SLC24A5: variants seen among roughly 807,000 people sequenced by gnomAD.
The protein encoded by SLC24A5 is solute carrier family 24 member 5, also known as sodium/potassium/calcium exchanger 5.
A neutral mutation model predicts 51.6 loss-of-function variants in SLC24A5; 46 were observed. The ratio of observed to expected loss-of-function variants is 0.89; its 90% confidence interval spans 0.70 to 1.14. SLC24A5 has a LOEUF of 1.14. Among genes scored for constraint, SLC24A5 ranks in the 50% most tolerant of loss-of-function variants. The pLI is 0.00. For missense variants in SLC24A5, 581 were observed against 604.1 expected, an observed-to-expected ratio of 0.96 and a Z score of 0.40; for synonymous variants, 230 against 214.9, an observed-to-expected ratio of 1.07 and a Z score of -0.62.
At chr15:48,131,716 C>CA (rs11429466) in intron 2 of SLC24A5, among the ~76,000 whole-genome samples, 11,573 of 152,106 alleles carry the variant, frequency 0.076, 1,191 homozygotes, top group African/African-American at 0.22. Context: ...TTCCTTTATA[C>CA]ACACAAAATG....
In SLC24A5 at chr15:48,121,093, G is replaced by A. The variant is rs370452726; in HGVS notation, c.49G>A (p.Gly17Ser). 5.6e-6 allele frequency: 9 copies of A among 1,613,904 alleles called. No homozygotes were observed. Among genetic ancestry groups the A allele is most frequent in the Admixed American group, 1.7e-5 (1 of 59,996 alleles). The change falls in exon 1 of 9, where the codon GGC becomes AGC. Residue 17 changes from glycine to serine, a missense_variant. Transcript: ENST00000341459. Reference sequence around the variant, plus strand: ...ATGGGCGAGAAGGGCTCTGTTGCTCGGCATCCTGTGGGCCACTGCACATCT... The same window carrying A: ...ATGGGCGAGAAGGGCTCTGTTGCTCAGCATCCTGTGGGCCACTGCACATCT... ...QTWARRALLL[G>S]ILWATAHLPL...
intron 2 of SLC24A5, among the ~76,000 whole-genome samples, chr15:48,128,262 G>A (rs998742470): frequency 6.6e-6 from 1 of 151,850 alleles, no homozygotes; most frequent in Admixed American, 6.6e-5. Flanking sequence ...CAGTGAGCCA[G>A]CTATGAAACT....
intron 2 of SLC24A5, among the ~76,000 whole-genome samples, chr15:48,127,803 A>G (rs2038747380): frequency 6.6e-6 from 1 of 152,186 alleles, no homozygotes; most frequent in African/African-American, 2.4e-5. Context: ...AGCCTGGGCA[A>G]CAGAGCAAGA....
At chr15:48,124,740 C>G (rs1455153478) in intron 2 of SLC24A5, 1 of 152,168 alleles carries the variant, frequency 6.6e-6, no homozygotes, top group African/African-American at 2.4e-5. Context: ...TGTGAAATTA[C>G]TTTGAAAGAT....
intron 2 of SLC24A5, among the ~76,000 whole-genome samples, chr15:48,133,581 A>G (rs1395142583): frequency 6.6e-6 from 1 of 152,130 alleles, no homozygotes; most frequent in African/African-American, 2.4e-5. Context: ...GTTTTAAATC[A>G]ATAGACTACA....
rs373773165 is a variant in SLC24A5 at position 48,134,437 on chromosome 15, G to T, written c.388G>T (p.Val130Leu). The change falls in exon 4 of 9, where the codon GTA (valine) becomes TTA (leucine). Residue 130 changes from valine to leucine, a missense_variant and splice_region_variant. Transcript: ENST00000341459. ...AGCTGGTACTATCTTGCACATAGGT[G>T]TATTTATCACAAAGGGAGATATTGG... ...APELVTAFLG[V>L]FITKGDIGIS... The T allele has an allele frequency of 1.2e-6, 2 of 1,612,542 alleles. No homozygotes were observed. Among genetic ancestry groups the T allele is most frequent in the Non-Finnish European group, 1.7e-6 (2 of 1,178,738 alleles).
At chr15:48,138,901 T>C in intron 6 of SLC24A5, 68 bp from the exon 7 acceptor site, 2 of 1,181,408 alleles carry the variant, frequency 1.7e-6, no homozygotes, top group Non-Finnish European at 1.2e-6. Flanking sequence ...TATAACTTTC[T>C]AAATAGGCAT....
Position 48,139,030 on chromosome 15 carries a change from C to T in SLC24A5, c.933C>T (p.Ser311=), listed in dbSNP as rs112771038. 31 of 1,612,954 alleles carry T rather than the reference C, an allele frequency of 1.9e-5. 1 individual carries two copies. The African/African-American group carries it at 3.3e-4, about 17-fold the overall frequency. Residue 311 remains serine, a synonymous_variant, in exon 7 of 9, where the codon TCC becomes TCT. Coordinates refer to ENST00000341459, the MANE Select transcript of SLC24A5 (RefSeq NM_205850.3). ...ADLKRIFWVL[S]LPIITLLFLT... is the part of the protein sequence containing the mutation. ...TAAAAAGAATTTTTTGGGTATTATCCCTTCCTATTATTACATTACTTTTTC... is the reference window on the plus strand; with the variant it reads ...TAAAAAGAATTTTTTGGGTATTATCTCTTCCTATTATTACATTACTTTTTC...
intron 2 of SLC24A5, chr15:48,122,342 T>C: frequency 3.7e-6 from 2 of 537,978 alleles, no homozygotes; most frequent in Non-Finnish European, 6.5e-6. Flanking sequence ...TTCACTTGTA[T>C]GTACTTTGTG....
intron 2 of SLC24A5, among the ~76,000 whole-genome samples, chr15:48,132,738 G>C (rs2038804368): frequency 6.6e-6 from 1 of 151,908 alleles, no homozygotes; most frequent in South Asian, 2.1e-4. Context: ...CAAAATCTGG[G>C]GACTGAAACA....
chr15:48,138,942 C>T (rs1274928849), intron 6 of SLC24A5, 27 bp from the exon 7 acceptor site: 30 of 1,562,482 alleles, frequency 1.9e-5, no homozygotes, highest in African/African-American at 2.7e-5. Context: ...TGAGAAAACT[C>T]AAAAGTGTTT....
In SLC24A5 at chr15:48,134,535, T is replaced by C; in HGVS notation, c.486T>C (p.Asn162=). Residue 162 remains asparagine, a synonymous_variant, in exon 4 of 9, where the codon AAT becomes AAC. Transcript: ENST00000341459. ...GTGCTGCCTGTGGTTTGCTATCTAA[T>C]ACGGTATGTAACAAAACCATTCAAC... is the stretch of plus-strand genomic sequence containing the variant. The part of the protein sequence containing the change: ...GICAACGLLS[N]TVSTLSCWPL... The C allele has an allele frequency of 4.4e-6, 7 of 1,609,058 alleles. No homozygotes were observed. The highest frequency in any genetic ancestry group is 6.0e-6 in the Non-Finnish European group (7 of 1,175,826).
intron 2 of SLC24A5, among the ~76,000 whole-genome samples, chr15:48,132,636 AGG>A (rs2038802399): frequency 6.6e-6 from 1 of 152,110 alleles, no homozygotes; most frequent in South Asian, 2.1e-4. Flanking sequence ...GTTCTCACTC[AGG>A]GTCTCTTGTG....
At chr15:48,123,695 C>A (rs1183587582) in intron 2 of SLC24A5, 1 of 152,092 alleles carries the variant, frequency 6.6e-6, no homozygotes, top group Non-Finnish European at 1.5e-5. Context: ...TCTTTGCACA[C>A]CTCTCTGATC....
At chr15:48,139,334 T>C in intron 7 of SLC24A5, 159 bp downstream of exon 7, 2 of 568,794 alleles carry the variant, frequency 3.5e-6, no homozygotes, top group Admixed American at 3.1e-5. Context: ...TATAACAAGA[T>C]CACTGGAGTT....
In SLC24A5 at chr15:48,126,270, A is replaced by G. The variant is rs548104853; in HGVS notation, c.301+4234A>G. Among the ~76,000 whole-genome samples, 140 of 152,250 alleles carry G rather than the reference A, an allele frequency of 9.2e-4. 1 individual carries two copies. The highest frequency in any genetic ancestry group is 3.4e-3 in the Middle Eastern group (1 of 294). ...CTATCTCTACGAGGCAACCTCAGAC[A>G]CTTTACCACCATCTTAACTGTATGG... On this transcript the variant is annotated intron_variant, in intron 2 of 8. Transcript: ENST00000341459.
chr15:48,134,750 C>A (rs1000308736), intron 4 of SLC24A5, 134 bp from the exon 5 acceptor site: 2 of 804,500 alleles, frequency 2.5e-6, no homozygotes, highest in African/African-American at 1.7e-5. Context: ...CACAATTTTA[C>A]ATTTTTTTCT....
intron 2 of SLC24A5, among the ~76,000 whole-genome samples, chr15:48,133,603 CTAGT>C (rs1384449870): frequency 6.6e-6 from 1 of 152,096 alleles, no homozygotes; most frequent in Non-Finnish European, 1.5e-5. Context: ...AATATTAAAT[CTAGT>C]TATTTTCTCT....
intron 2 of SLC24A5, among the ~76,000 whole-genome samples, chr15:48,127,720 G>A (rs2038746485): frequency 6.6e-6 from 1 of 152,116 alleles, no homozygotes. Flanking sequence ...CTCCTCGGGA[G>A]GCTGAGGCAG....
Sources: allele counts gnomAD v4.1 joint callset (sites outside exome capture counted in the v4.1 genomes callset), GRCh38; gene constraint gnomAD v4.1.1; transcripts MANE v1.5; gene names NCBI Gene and HGNC (gene_info 2026-07-23, HGNC 2026-07-21).